Variants in ZNF521 observed in about 807,000 individuals in gnomAD.
The protein encoded by ZNF521 is LYST-interacting protein 3.
In ZNF521, 14 loss-of-function variants were observed where a neutral mutation model predicts 105.5. The observed-to-expected ratio is 0.13, with a 90% confidence interval of 0.09 to 0.21. ZNF521 has a LOEUF of 0.21. ZNF521 is among the 10% of genes least tolerant of loss of function. The pLI is 1.00. For missense variants in ZNF521, 1,233 were observed against 1,629.7 expected, an observed-to-expected ratio of 0.76 and a Z score of 4.19; for synonymous variants, 635 against 606.0, an observed-to-expected ratio of 1.05 and a Z score of -0.70.
chr18:25,303,499 T>C (rs1389714560), intron 3 of ZNF521, among the ~76,000 whole-genome samples: 1 of 152,130 alleles, frequency 6.6e-6, no homozygotes, highest in Non-Finnish European at 1.5e-5. Flanking sequence ...GGTTTCACTA[T>C]GTTGGCCAGG....
intron 2 of ZNF521, among the ~76,000 whole-genome samples, chr18:25,350,181 C>T (rs1028035307): frequency 1.5e-4 from 23 of 152,218 alleles, no homozygotes; most frequent in Non-Finnish European, 2.8e-4. Context: ...CAACTTCCCT[C>T]TCCAACAGGG....
chr18:25,285,893 G>C (rs934861631), intron 3 of ZNF521, among the ~76,000 whole-genome samples: 17 of 152,224 alleles, frequency 1.1e-4, no homozygotes, highest in African/African-American at 3.9e-4. Context: ...AGAGCTCTGA[G>C]GGTATAATGA....
At chr18:25,085,088 T>C (rs1258034026) in intron 7 of ZNF521, among the ~76,000 whole-genome samples, 1 of 152,128 alleles carries the variant, frequency 6.6e-6, no homozygotes, top group East Asian at 1.9e-4. Context: ...AATGGACTCT[T>C]ATTCCAAAGC....
chr18:25,215,209 A>C lies in ZNF521; in HGVS notation c.3573+9136T>G, dbSNP rs200286146. ...TAGGTTAAGAATAGAACCTTTAGAA[A>C]CATGCACATTTAAAAGATAAAAAAG... On this transcript the variant is annotated intron_variant, in intron 4 of 7. Transcript: ENST00000361524. Among the ~76,000 whole-genome samples, 96 of 152,308 alleles carry C rather than the reference A, an allele frequency of 6.3e-4. 1 individual carries two copies. The East Asian group carries it at 0.018, about 29-fold the overall frequency.
chr18:25,090,380 A>G (rs1282796620), intron 6 of ZNF521, among the ~76,000 whole-genome samples: 2 of 152,170 alleles, frequency 1.3e-5, no homozygotes, highest in Non-Finnish European at 2.9e-5. Flanking sequence ...ACTCCACTCT[A>G]ATCATTAAAA....
At chr18:25,216,709 C>T (rs1462925367) in intron 4 of ZNF521, among the ~76,000 whole-genome samples, 1 of 152,102 alleles carries the variant, frequency 6.6e-6, no homozygotes, top group African/African-American at 2.4e-5. Flanking sequence ...CAGGTGTGCA[C>T]CACCACACCT....
chr18:25,081,532 G>C (rs1278889784), intron 7 of ZNF521, among the ~76,000 whole-genome samples: 1 of 152,108 alleles, frequency 6.6e-6, no homozygotes, highest in Non-Finnish European at 1.5e-5. Flanking sequence ...TGACTACCAG[G>C]ACACATGGTG....
At chr18:25,285,985 T>C (rs1910689155) in intron 3 of ZNF521, among the ~76,000 whole-genome samples, 1 of 152,186 alleles carries the variant, frequency 6.6e-6, no homozygotes, top group Admixed American at 6.5e-5. Context: ...TCTGCTCATA[T>C]CAGGGTATTA....
intron 2 of ZNF521, among the ~76,000 whole-genome samples, chr18:25,324,859 C>T (rs1038555499): frequency 1.3e-5 from 2 of 152,184 alleles, no homozygotes; most frequent in South Asian, 2.1e-4. Context: ...CTCTCAAAAG[C>T]TGAAGAACCG....
chr18:25,257,743 T>C (rs1289182511), intron 3 of ZNF521, among the ~76,000 whole-genome samples: 2 of 152,198 alleles, frequency 1.3e-5, no homozygotes, highest in Non-Finnish European at 2.9e-5. Context: ...AATGCATATT[T>C]TCAAATTCCT....
intron 5 of ZNF521, among the ~76,000 whole-genome samples, chr18:25,134,567 G>C (rs2034698752): frequency 6.6e-6 from 1 of 152,124 alleles, no homozygotes; most frequent in Non-Finnish European, 1.5e-5. Context: ...GCAAGACTGG[G>C]GATGTGGGAA....
At chr18:25,335,447 T>A (rs1395365234) in intron 2 of ZNF521, among the ~76,000 whole-genome samples, 2 of 152,132 alleles carry the variant, frequency 1.3e-5, no homozygotes, top group African/African-American at 2.4e-5. Context: ...CAGATGTCCA[T>A]CCCCAGCCCT....
intron 3 of ZNF521, among the ~76,000 whole-genome samples, chr18:25,316,377 A>G (rs1022894362): frequency 2.1e-5 from 3 of 145,416 alleles, no homozygotes; most frequent in African/African-American, 7.7e-5. Flanking sequence ...GGCAAAAAAA[A>G]AATGTATATA....
At chr18:25,230,734 T>C (rs1906480627) in intron 3 of ZNF521, among the ~76,000 whole-genome samples, 1 of 152,200 alleles carries the variant, frequency 6.6e-6, no homozygotes, top group Non-Finnish European at 1.5e-5. Context: ...GTACTTAACA[T>C]GTCCATGTTA....
chr18:25,092,007 T>A lies in ZNF521; in HGVS notation c.3733A>T (p.Ile1245Leu). 1 of 1,614,060 alleles carries A rather than the reference T, an allele frequency of 6.2e-7. No individual in the cohort carries two copies. Among genetic ancestry groups the A allele is most frequent in the Non-Finnish European group, 8.5e-7 (1 of 1,179,932 alleles). The change falls in exon 6 of 8, where the codon ATA (isoleucine) becomes TTA (leucine). Residue 1245 changes from isoleucine to leucine, a missense_variant. Coordinates refer to ENST00000361524, the MANE Select transcript of ZNF521 (RefSeq NM_015461.3). ...DSPAKLQCHL[I>L]EHSFEGMGGT... ...CCCATCCCTTCGAAGCTGTGCTCTATCAGGTGGCACTGGAGTTTGGCAGGA... is the reference window on the plus strand; with the variant it reads ...CCCATCCCTTCGAAGCTGTGCTCTAACAGGTGGCACTGGAGTTTGGCAGGA...
chr18:25,213,188 ATAATAT>A (rs2036223546), intron 4 of ZNF521, among the ~76,000 whole-genome samples: 2 of 60,994 alleles, frequency 3.3e-5, no homozygotes, highest in South Asian at 1.4e-3. Context: ...TATTATAATG[ATAATAT>A]TATAGTTACA....
intron 5 of ZNF521, among the ~76,000 whole-genome samples, chr18:25,153,266 C>T (rs185899381): frequency 2.6e-5 from 4 of 152,264 alleles, no homozygotes; most frequent in East Asian, 1.9e-4. Flanking sequence ...CATGATACTA[C>T]AACTCTCTAA....
intron 3 of ZNF521, 143 bp downstream of exon 3, chr18:25,321,865 C>T (rs188822718): frequency 5.2e-6 from 4 of 776,524 alleles, no homozygotes; most frequent in Non-Finnish European, 6.0e-6. Context: ...TCTCAGAATT[C>T]TTTCAAAAGC....
At chr18:25,295,039 C>T (rs1362818305) in intron 3 of ZNF521, among the ~76,000 whole-genome samples, 1 of 152,006 alleles carries the variant, frequency 6.6e-6, no homozygotes, top group African/African-American at 2.4e-5. Flanking sequence ...CATATAACTA[C>T]TATACTAGTA....
Sources: allele counts gnomAD v4.1 joint callset (sites outside exome capture counted in the v4.1 genomes callset), GRCh38; gene constraint gnomAD v4.1.1; transcripts MANE v1.5; gene names NCBI Gene and HGNC (gene_info 2026-07-23, HGNC 2026-07-21).